Variants in KIAA1958 observed in about 807,000 individuals in gnomAD.
KIAA1958 encodes the protein KIAA1958.
KIAA1958 carries 14 observed loss-of-function variants against 47.2 expected under a neutral mutation model. The ratio of observed to expected loss-of-function variants is 0.30; its 90% CI spans 0.20 to 0.46. The LOEUF is 0.46. Among genes scored for constraint, KIAA1958 ranks in the 20% least tolerant of loss-of-function variants. KIAA1958 has a pLI of 1.00. For synonymous variants in KIAA1958, 354 were observed against 353.3 expected, an observed-to-expected ratio of 1.00 and a Z score of -0.02; for missense variants, 803 against 909.2, an observed-to-expected ratio of 0.88 and a Z score of 1.50.
In KIAA1958 at chr9:112,536,048, C is replaced by T. The variant is rs115685108; in HGVS notation, c.-24-38009C>T. Reference sequence around the variant, plus strand: ...GCTCCCTTCCTTCCATTCTCATCTCCGCTCTGTTAATTGACCTCTGGGTTC... The same window carrying T: ...GCTCCCTTCCTTCCATTCTCATCTCTGCTCTGTTAATTGACCTCTGGGTTC... On this transcript the variant is annotated intron_variant, in intron 1 of 3. Coordinates refer to ENST00000337530, the MANE Select transcript of KIAA1958 (RefSeq NM_133465.4). 7.4e-3 allele frequency among the ~76,000 whole-genome samples: 1,123 copies of T among 152,278 alleles called. 14 individuals are homozygous for T. Among genetic ancestry groups the T allele is most frequent in the African/African-American group, 0.026 (1,079 of 41,548 alleles).
At chr9:112,658,822 C>T (rs1212160255) in intron 3 of KIAA1958, among the ~76,000 whole-genome samples, 2 of 147,942 alleles carry the variant, frequency 1.4e-5, no homozygotes, top group Non-Finnish European at 3.0e-5. Flanking sequence ...AGATCGAGAC[C>T]ATCCTGGCTA....
intron 2 of KIAA1958, among the ~76,000 whole-genome samples, chr9:112,623,739 A>G (rs957403025): frequency 6.6e-6 from 1 of 152,192 alleles, no homozygotes; most frequent in East Asian, 1.9e-4. Flanking sequence ...TTTTACCCCA[A>G]TTAAAGCCAA....
intron 1 of KIAA1958, among the ~76,000 whole-genome samples, chr9:112,502,126 C>A (rs1468259352): frequency 6.6e-6 from 1 of 152,120 alleles, no homozygotes; most frequent in East Asian, 1.9e-4. Context: ...AAGTTATTCT[C>A]ATATGTATTG....
rs568156813 is a variant in KIAA1958 at position 112,577,002 on chromosome 9, A to C, written c.1171+1751A>C. 1.6e-3 allele frequency among the ~76,000 whole-genome samples: 250 copies of C among 152,282 alleles called. 2 individuals are homozygous for C. Among genetic ancestry groups the C allele is most frequent in the Admixed American group, 0.015 (231 of 15,302 alleles). ...CTTACTGCTCCACATTGTCACCAACACTTGTTATTTTTCATGTTTAAAAAA... is the reference window on the plus strand; with the variant it reads ...CTTACTGCTCCACATTGTCACCAACCCTTGTTATTTTTCATGTTTAAAAAA... On this transcript the variant is annotated intron_variant, in intron 2 of 3. Coordinates refer to ENST00000337530, the MANE Select transcript of KIAA1958 (RefSeq NM_133465.4).
intron 2 of KIAA1958, among the ~76,000 whole-genome samples, chr9:112,579,622 G>GT (rs765467095): frequency 3.0e-4 from 46 of 151,800 alleles, no homozygotes; most frequent in Non-Finnish European, 6.2e-4. Context: ...GATTTTTACT[G>GT]TTTGAGTATT....
intron 1 of KIAA1958, among the ~76,000 whole-genome samples, chr9:112,526,524 A>G (rs1430868407): frequency 4.6e-5 from 7 of 152,156 alleles, no homozygotes; most frequent in Non-Finnish European, 1.0e-4. Context: ...AGGATTACAG[A>G]TGTGAACCAC....
chr9:112,546,168 C>T (rs1362415808), intron 1 of KIAA1958, among the ~76,000 whole-genome samples: 1 of 151,834 alleles, frequency 6.6e-6, no homozygotes, highest in Non-Finnish European at 1.5e-5. Context: ...CCGCCAAAAC[C>T]AAGATGCCAA....
chr9:112,539,532 G>A (rs1238895072), intron 1 of KIAA1958, among the ~76,000 whole-genome samples: 3 of 152,014 alleles, frequency 2.0e-5, no homozygotes, highest in African/African-American at 7.3e-5. Context: ...GGGTTGGGAG[G>A]GGGTAATTAG....
chr9:112,591,605 G>A (rs1158213343), intron 2 of KIAA1958, among the ~76,000 whole-genome samples: 1 of 151,708 alleles, frequency 6.6e-6, no homozygotes, highest in African/African-American at 2.4e-5. Context: ...TTAAAAAGCA[G>A]CATGAGGCCA....
chr9:112,583,051 T>A (rs1195138438), intron 2 of KIAA1958, among the ~76,000 whole-genome samples: 1 of 152,200 alleles, frequency 6.6e-6, no homozygotes, highest in African/African-American at 2.4e-5. Context: ...ATCTAGGAAA[T>A]TCAGGTTACA....
In KIAA1958 at chr9:112,489,493, ATAGG is replaced by A. The variant is rs756873772; in HGVS notation, c.-25+2379_-25+2382del. Among the ~76,000 whole-genome samples, 19 of 145,782 alleles carry A rather than the reference ATAGG, an allele frequency of 1.3e-4. 1 individual carries two copies. Among genetic ancestry groups the A allele is most frequent in the Admixed American group, 1.1e-3 (16 of 14,582 alleles). ...TTTTGTGTTTTTTTTTTTTTGACTG[ATAGG>A]TAGATAAGAATTTTTTGTTTTTTGT... On this transcript the variant is annotated intron_variant, in intron 1 of 3. Transcript: ENST00000337530.
At chr9:112,519,133 A>G (rs943378600) in intron 1 of KIAA1958, among the ~76,000 whole-genome samples, 1 of 151,984 alleles carries the variant, frequency 6.6e-6, no homozygotes, top group Admixed American at 6.6e-5. Context: ...TTAAGAGACA[A>G]GGTCTCACTA....
chr9:112,507,255 C>G (rs1189579666), intron 1 of KIAA1958, among the ~76,000 whole-genome samples: 1 of 152,162 alleles, frequency 6.6e-6, no homozygotes, highest in African/African-American at 2.4e-5. Context: ...CTTTGCTAGT[C>G]ACTCTTTTCA....
intron 2 of KIAA1958, among the ~76,000 whole-genome samples, chr9:112,610,297 T>C (rs796158886): frequency 5.9e-5 from 9 of 151,542 alleles, no homozygotes; most frequent in African/African-American, 2.2e-4. Flanking sequence ...AAATTAAGCA[T>C]CCAATTCAAG....
At chr9:112,564,299 T>C (rs1279074795) in intron 1 of KIAA1958, among the ~76,000 whole-genome samples, 12 of 152,196 alleles carry the variant, frequency 7.9e-5, no homozygotes, top group Admixed American at 1.3e-4. Flanking sequence ...TCAATTTCTT[T>C]TGTAGGCATA....
rs543994126 is a variant in KIAA1958 at position 112,612,295 on chromosome 9, C to T, written c.1172-33355C>T. ...AATTAGCCAGGTGTGGTGGTTTGTG[C>T]TTGTAGGCCCAGCTACGTTGGAGGA... On this transcript the variant is annotated intron_variant, in intron 2 of 3. Coordinates refer to ENST00000337530, the MANE Select transcript of KIAA1958 (RefSeq NM_133465.4). Among the ~76,000 whole-genome samples, 578 of 152,024 alleles carry T rather than the reference C, an allele frequency of 3.8e-3. 3 individuals carry two copies. The highest frequency in any genetic ancestry group is 6.2e-3 in the Non-Finnish European group (422 of 67,964).
At chr9:112,586,976 C>A (rs1386749970) in intron 2 of KIAA1958, among the ~76,000 whole-genome samples, 2 of 152,172 alleles carry the variant, frequency 1.3e-5, no homozygotes, top group Non-Finnish European at 2.9e-5. Flanking sequence ...CAGCCCCCTT[C>A]TCCCCACAGG....
At chr9:112,572,280 G>T (rs1001636685) in intron 1 of KIAA1958, among the ~76,000 whole-genome samples, 2 of 151,942 alleles carry the variant, frequency 1.3e-5, no homozygotes, top group Non-Finnish European at 2.9e-5. Flanking sequence ...AGTCTTATAC[G>T]TTCACTTTGT....
intron 1 of KIAA1958, among the ~76,000 whole-genome samples, chr9:112,573,610 G>A (rs769674008): frequency 2.6e-5 from 4 of 152,138 alleles, no homozygotes; most frequent in Non-Finnish European, 4.4e-5. Flanking sequence ...TAGTAGTAAA[G>A]TTTCTGATGA....
Sources: allele counts gnomAD v4.1 joint callset (sites outside exome capture counted in the v4.1 genomes callset), GRCh38; gene constraint gnomAD v4.1.1; transcripts MANE v1.5; gene names NCBI Gene and HGNC (gene_info 2026-07-23, HGNC 2026-07-21).